Variants in GRIN2A observed in about 807,000 individuals in gnomAD.
GRIN2A encodes glutamate receptor ionotropic, NMDA 2A.
Under a neutral mutation model 113.4 loss-of-function variants are expected in GRIN2A, and 22 were observed. That is an observed-to-expected ratio of 0.19 (90% CI 0.14 to 0.28). The LOEUF is 0.28. Ranked by LOEUF, GRIN2A falls within the 10% of genes least tolerant of loss-of-function variation. GRIN2A has a pLI of 1.00. For synonymous variants in GRIN2A, 827 were observed against 738.4 expected, an observed-to-expected ratio of 1.12 and a Z score of -1.94; for missense variants, 1,502 against 1,887.0, an observed-to-expected ratio of 0.80 and a Z score of 3.78.
In GRIN2A at chr16:10,147,643, AAAAAAAAAAG is replaced by A. The variant is rs1352475278; in HGVS notation, c.414+32345_414+32354del. On this transcript the variant is annotated intron_variant, in intron 2 of 12. Transcript: ENST00000330684. ...CACAGTGAGGCCCTGTCTCAAAAAAAAAAAAAAAAGAAGAAGAAGAAGAAGTGTATACAGG... is the reference window on the plus strand; with the variant it reads ...CACAGTGAGGCCCTGTCTCAAAAAAAAAGAAGAAGAAGAAGTGTATACAGG... Among the ~76,000 whole-genome samples the A allele has an allele frequency of 3.2e-3, 477 of 151,062 alleles. 3 individuals carry two copies. Among genetic ancestry groups the A allele is most frequent in the African/African-American group, 0.011 (460 of 40,710 alleles).
At chr16:10,034,535 C>CAAAAAAAAAAAAAAAAAAAAAAAAA (rs58076569) in intron 2 of GRIN2A, among the ~76,000 whole-genome samples, 1 of 36,430 alleles carries the variant, frequency 2.7e-5, no homozygotes, top group African/African-American at 1.1e-4. Flanking sequence ...CAAAAAAAAG[C>CAAAAAAAAAAAAAAAAAAAAAAAAA]AAAAAAAAAA....
intron 2 of GRIN2A, among the ~76,000 whole-genome samples, chr16:9,966,510 C>T (rs1161205604): frequency 2.6e-5 from 4 of 152,154 alleles, no homozygotes; most frequent in Admixed American, 2.6e-4. Context: ...TTTCTTGATC[C>T]ACTCTATCAC....
intron 2 of GRIN2A, among the ~76,000 whole-genome samples, chr16:10,029,413 C>T (rs898770394): frequency 1.3e-5 from 2 of 152,124 alleles, no homozygotes; most frequent in African/African-American, 4.8e-5. Flanking sequence ...AGGCTGGCCT[C>T]AAACCCCTTA....
At chr16:9,779,184 G>C (rs1173425690) in intron 11 of GRIN2A, among the ~76,000 whole-genome samples, 1 of 152,238 alleles carries the variant, frequency 6.6e-6, no homozygotes, top group African/African-American at 2.4e-5. Flanking sequence ...TGGTCTCCCA[G>C]GTTGGGGAGA....
At chr16:10,010,629 G>A (rs565418722) in intron 2 of GRIN2A, among the ~76,000 whole-genome samples, 27 of 152,194 alleles carry the variant, frequency 1.8e-4, no homozygotes, top group Admixed American at 1.0e-3. Context: ...GCTTCCCACC[G>A]TTATTATTGC....
intron 2 of GRIN2A, among the ~76,000 whole-genome samples, chr16:10,015,884 C>G (rs2046600295): frequency 6.6e-6 from 1 of 152,012 alleles, no homozygotes; most frequent in Non-Finnish European, 1.5e-5. Context: ...AATCCCAGCT[C>G]TTTGGGAGGT....
intron 4 of GRIN2A, among the ~76,000 whole-genome samples, chr16:9,879,114 A>G (rs1171988558): frequency 1.3e-5 from 2 of 152,168 alleles, no homozygotes; most frequent in Admixed American, 6.5e-5. Context: ...TAAATGTTTT[A>G]TAATGGCTCA....
intron 2 of GRIN2A, among the ~76,000 whole-genome samples, chr16:10,009,867 A>G (rs837690): frequency 0.87 from 132,941 of 152,262 alleles, 58,659 homozygotes; most frequent in African/African-American, 0.95. Context: ...GACAAACCAG[A>G]CAGAAAGAAG....
In GRIN2A at chr16:10,001,936, A is replaced by G. The variant is rs757185068; in HGVS notation, c.415-63385T>C. 2.2e-4 allele frequency among the ~76,000 whole-genome samples: 33 copies of G among 152,322 alleles called. No homozygotes were observed. In the Middle Eastern group the frequency reaches 0.017, roughly 79 times the overall value. ...ATAAACCAGGATAACACCTACCTTT[A>G]ATTAGGATTAGATGCAGGGATATTT... is the stretch of plus-strand genomic sequence containing the variant. On this transcript the variant is annotated intron_variant, in intron 2 of 12. Coordinates refer to ENST00000330684, the MANE Select transcript of GRIN2A (RefSeq NM_001134407.3).
At chr16:9,999,055 A>T (rs1396788927) in intron 2 of GRIN2A, among the ~76,000 whole-genome samples, 1 of 152,198 alleles carries the variant, frequency 6.6e-6, no homozygotes, top group Non-Finnish European at 1.5e-5. Flanking sequence ...AACAACTCAC[A>T]ATTCCTATTA....
At chr16:10,125,631 G>GA (rs79695852) in intron 2 of GRIN2A, among the ~76,000 whole-genome samples, 11,963 of 131,896 alleles carry the variant, frequency 0.091, 582 homozygotes, top group Middle Eastern at 0.12. Flanking sequence ...ATGGTGGGAG[G>GA]AAAAAAAAAA....
rs2050250853 is a variant in GRIN2A at position 10,180,676 on chromosome 16, T to TCATCC, written c.-18-252_-18-248dup. 1 of 610,474 alleles carries TCATCC rather than the reference T, an allele frequency of 1.6e-6. No homozygotes were observed. 37.8% of individuals were successfully genotyped at this position (610,474 alleles called of 1,614,324 possible). The stretch of plus-strand genomic sequence containing the variant: ...CAGCCCCTTCTCGCATCCAGCTTCC[T>TCATCC]CATCCCCTGTCTCCAGGCACTTCCC... On this transcript the variant is annotated intron_variant, in intron 1 of 12. Transcript: ENST00000330684. The surrounding 1 kb of genome is among the most constrained non-coding windows in gnomAD (Gnocchi z 7.0).
chr16:9,795,717 A>G (rs1483928615), intron 11 of GRIN2A, among the ~76,000 whole-genome samples: 1 of 152,182 alleles, frequency 6.6e-6, no homozygotes, highest in Admixed American at 6.5e-5. Context: ...CACCAGCCTT[A>G]TTAGGTAATT....
chr16:10,127,438 G>A (rs1296560265), intron 2 of GRIN2A, among the ~76,000 whole-genome samples: 3 of 151,934 alleles, frequency 2.0e-5, no homozygotes, highest in Non-Finnish European at 2.9e-5. Context: ...CTCCACCCTG[G>A]TTGGCCAACT....
At chr16:9,847,481 C>T (rs2042792812) in intron 5 of GRIN2A, among the ~76,000 whole-genome samples, 1 of 151,972 alleles carries the variant, frequency 6.6e-6, no homozygotes, top group Non-Finnish European at 1.5e-5. Context: ...GAGAAGAACA[C>T]TTGAGCCTAG....
intron 2 of GRIN2A, among the ~76,000 whole-genome samples, chr16:10,118,632 C>A (rs1479880510): frequency 6.6e-6 from 1 of 152,170 alleles, no homozygotes; most frequent in Non-Finnish European, 1.5e-5. Flanking sequence ...AGAAAAGATT[C>A]AAGTAGCAGA....
rs182984280 is a variant in GRIN2A at position 10,144,108 on chromosome 16, G to C, written c.414+35890C>G. 9.6e-4 allele frequency among the ~76,000 whole-genome samples: 146 copies of C among 152,202 alleles called. 1 individual carries two copies. The highest frequency in any genetic ancestry group is 9.0e-4 in the Non-Finnish European group (61 of 68,022). On this transcript the variant is annotated intron_variant, in intron 2 of 12. Transcript: ENST00000330684. ...TCTTTGGGATATGTACCCAGAAGTG[G>C]GATTGCTGGATCATAAGATAGTTCC...
intron 2 of GRIN2A, among the ~76,000 whole-genome samples, chr16:10,082,186 G>T (rs1053690690): frequency 6.6e-5 from 10 of 152,198 alleles, no homozygotes; most frequent in Admixed American, 1.3e-4. Context: ...CTCTGCCTAC[G>T]ATGGAATTAT....
At chr16:10,081,908 A>G (rs2047992423) in intron 2 of GRIN2A, among the ~76,000 whole-genome samples, 1 of 152,226 alleles carries the variant, frequency 6.6e-6, no homozygotes, top group Non-Finnish European at 1.5e-5. Context: ...AATAAGCTCA[A>G]GGGCTCCAAG....
Sources: gnomAD v4.1 joint callset for allele counts (sites outside exome capture counted in the v4.1 genomes callset) on GRCh38, gnomAD v4.1.1 for gene constraint, Gnocchi (gnomAD v3.1) non-coding constraint, MANE v1.5 for transcripts, NCBI Gene and HGNC (gene_info 2026-07-23, HGNC 2026-07-21) for gene names.